Variants in ADGRL3 observed in about 807,000 individuals in gnomAD.
ADGRL3 encodes the protein calcium-independent alpha-latrotoxin receptor 3.
In ADGRL3, 62 loss-of-function variants were observed where a neutral mutation model predicts 153.5. The ratio of observed to expected loss-of-function variants is 0.40; its 90% CI spans 0.33 to 0.50. The LOEUF is 0.50. ADGRL3 is among the 20% of genes least tolerant of loss of function. The pLI is 0.47. For synonymous variants in ADGRL3, 710 were observed against 672.5 expected (o/e 1.06, Z -0.86); for missense variants, 1,641 against 1,859.4 (o/e 0.88, Z 2.16).
chr4:61,219,011 G>A (rs1018261328), intron 1 of ADGRL3, among the ~76,000 whole-genome samples: 1 of 152,146 alleles, frequency 6.6e-6, no homozygotes, highest in Non-Finnish European at 1.5e-5. Context: ...GAGGCATCAA[G>A]GGGGGCTGTG....
intron 3 of ADGRL3, among the ~76,000 whole-genome samples, chr4:61,510,094 G>A (rs1239167296): frequency 2.6e-5 from 4 of 152,038 alleles, no homozygotes; most frequent in Non-Finnish European, 5.9e-5. Context: ...CATGTCCTTC[G>A]CCTGCTTTTT....
At chr4:61,417,843 A>G (rs1326323850) in intron 2 of ADGRL3, among the ~76,000 whole-genome samples, 1 of 152,096 alleles carries the variant, frequency 6.6e-6, no homozygotes, top group Non-Finnish European at 1.5e-5. Flanking sequence ...ACTGCAGCAT[A>G]GGTTAAAGGG....
In ADGRL3 at chr4:61,675,753, A is replaced by G. The variant is rs532880792; in HGVS notation, c.474-1073A>G. ...AAGGCATGCGATGTGTAATAATCAC[A>G]TCAGGGTAAATGGGATATTCATCAC... On this transcript the variant is annotated intron_variant, in intron 5 of 26. Transcript: ENST00000683033. Among the ~76,000 whole-genome samples, 31 of 151,844 alleles carry G rather than the reference A, an allele frequency of 2.0e-4. 1 individual carries two copies. Among genetic ancestry groups the G allele is most frequent in the Admixed American group, 1.4e-3 (22 of 15,186 alleles).
intron 6 of ADGRL3, among the ~76,000 whole-genome samples, chr4:61,709,700 A>G (rs2095930047): frequency 6.6e-6 from 1 of 152,048 alleles, no homozygotes; most frequent in Non-Finnish European, 1.5e-5. Context: ...GTGCCCCTCA[A>G]CCCCTGAGAA....
intron 8 of ADGRL3, among the ~76,000 whole-genome samples, chr4:61,735,171 G>A (rs183706723): frequency 2.0e-5 from 3 of 151,966 alleles, no homozygotes; most frequent in Non-Finnish European, 2.9e-5. Context: ...GTAATACATC[G>A]CATATATATA....
chr4:61,542,564 G>A (rs973271767), intron 4 of ADGRL3, among the ~76,000 whole-genome samples: 35 of 152,024 alleles, frequency 2.3e-4, no homozygotes, highest in African/African-American at 5.3e-4. Flanking sequence ...TAATGCAGTC[G>A]CGATTGTACT....
chr4:61,483,331 TG>T (rs1345594781), intron 2 of ADGRL3, among the ~76,000 whole-genome samples: 9 of 152,234 alleles, frequency 5.9e-5, no homozygotes, highest in Admixed American at 3.9e-4. Flanking sequence ...GTGATGCCAT[TG>T]ATTTTACCAT....
At chr4:61,228,621 A>G (rs1002533372) in intron 1 of ADGRL3, among the ~76,000 whole-genome samples, 1 of 152,194 alleles carries the variant, frequency 6.6e-6, no homozygotes, top group Non-Finnish European at 1.5e-5. Context: ...ATTATTTGTA[A>G]AAGAGCTTCC....
At chr4:61,637,610 A>T (rs2150116319) in intron 5 of ADGRL3, among the ~76,000 whole-genome samples, 1 of 152,180 alleles carries the variant, frequency 6.6e-6, no homozygotes, top group African/African-American at 2.4e-5. Context: ...CAAAAATACA[A>T]AAATTATCCA....
intron 2 of ADGRL3, among the ~76,000 whole-genome samples, chr4:61,463,036 T>G (rs1007514512): frequency 1.3e-5 from 2 of 152,092 alleles, no homozygotes; most frequent in Non-Finnish European, 2.9e-5. Context: ...AGGTTAAAAG[T>G]AAAGTGAATA....
At chr4:61,424,002 G>A (rs113494172) in intron 2 of ADGRL3, among the ~76,000 whole-genome samples, 27 of 152,258 alleles carry the variant, frequency 1.8e-4, no homozygotes, top group African/African-American at 6.0e-4. Context: ...TACAAAAATA[G>A]GACAATGTGA....
chr4:61,862,627 C>G (rs1446603206), intron 9 of ADGRL3, among the ~76,000 whole-genome samples: 1 of 152,134 alleles, frequency 6.6e-6, no homozygotes, highest in Non-Finnish European at 1.5e-5. Flanking sequence ...CCAATAATGG[C>G]CTTCCCCTCC....
rs906604836 is a variant in ADGRL3, at chr4:61,621,261, T to C, written c.473+33821T>C. Among the ~76,000 whole-genome samples the C allele has an allele frequency of 5.9e-5, 9 of 152,178 alleles. 1 individual carries two copies. The highest frequency in any genetic ancestry group is 5.9e-4 in the Admixed American group (9 of 15,280). ...ATATAGTTTATTTTAGTAACATTGA[T>C]GGATTGAGGCCTTGATGTTACAATG... On this transcript the variant is annotated intron_variant, in intron 5 of 26. Transcript: ENST00000683033.
At chr4:61,609,119 G>A (rs139266940) in intron 5 of ADGRL3, among the ~76,000 whole-genome samples, 11 of 152,238 alleles carry the variant, frequency 7.2e-5, no homozygotes, top group African/African-American at 2.6e-4. Context: ...GGAAGTCACA[G>A]CAGGGATAAG....
Position 61,998,240 on chromosome 4 carries a change from G to T in ADGRL3, c.3370G>T (p.Glu1124Ter). The T allele has an allele frequency of 6.3e-7, 1 of 1,580,566 alleles. No individual in the cohort carries two copies. Among genetic ancestry groups the T allele is most frequent in the Non-Finnish European group, 8.6e-7 (1 of 1,163,796 alleles). Residue 1124 changes from glutamate to a stop codon, truncating the protein, a stop_gained, in exon 21 of 27, where the codon GAA becomes TAA. Transcript: ENST00000683033. LOFTEE classifies it high-confidence loss of function. Reference sequence around the variant, plus strand: ...TCATCATACTGCTATACTGAAACCTGAATCAGGCTGTCTTGATAACATCAA... The same window carrying T: ...TCATCATACTGCTATACTGAAACCTTAATCAGGCTGTCTTGATAACATCAA... ...MFHHTAILKPESGCLDNINYE... is the reference protein window; with the variant it reads ...MFHHTAILKP
At chr4:62,006,032 A>ATATATATATATATATAT (rs1203029363) in intron 21 of ADGRL3, among the ~76,000 whole-genome samples, 1 of 73,090 alleles carries the variant, frequency 1.4e-5, no homozygotes, top group African/African-American at 5.0e-5. Flanking sequence ...ATATATATAT[A>ATATATATATATATATAT]TTTTTTTTTT....
At chr4:61,831,978 G>A (rs1018754121) in intron 9 of ADGRL3, among the ~76,000 whole-genome samples, 2 of 152,112 alleles carry the variant, frequency 1.3e-5, no homozygotes, top group African/African-American at 4.8e-5. Context: ...GCCAGTTCAA[G>A]CCCTAGACAC....
At chr4:61,253,404 G>A (rs992320058) in intron 1 of ADGRL3, among the ~76,000 whole-genome samples, 5 of 152,158 alleles carry the variant, frequency 3.3e-5, no homozygotes, top group African/African-American at 1.2e-4. Flanking sequence ...CCTTTAGGTT[G>A]TTGACTCAGT....
intron 25 of ADGRL3, among the ~76,000 whole-genome samples, chr4:62,056,438 G>A (rs1238247898): frequency 6.6e-6 from 1 of 151,902 alleles, no homozygotes; most frequent in Non-Finnish European, 1.5e-5. Context: ...AGAAGGCAGT[G>A]CAGACATGTG....
Sources: allele counts gnomAD v4.1 joint callset (sites outside exome capture counted in the v4.1 genomes callset), GRCh38; gene constraint gnomAD v4.1.1; transcripts MANE v1.5; gene names NCBI Gene and HGNC (gene_info 2026-07-23, HGNC 2026-07-21).